Variants in NFXL1 observed in about 807,000 individuals in gnomAD.
NFXL1 encodes the protein NF-X1-type zinc finger protein NFXL1.
NFXL1 carries 66 observed loss-of-function variants against 123.3 expected under a neutral mutation model. That is an observed-to-expected ratio of 0.54 (90% confidence interval 0.44 to 0.66). The LOEUF is 0.66. Ranked by LOEUF, NFXL1 falls within the 30% of genes least tolerant of loss-of-function variation. NFXL1 has a pLI of 0.00. For synonymous variants in NFXL1, 346 were observed against 360.8 expected (o/e 0.96, Z 0.46); for missense variants, 944 against 1,125.6 (o/e 0.84, Z 2.31).
At chr4:47,856,549 A>C (rs569492824) in intron 19 of NFXL1, among the ~76,000 whole-genome samples, 1 of 152,280 alleles carries the variant, frequency 6.6e-6, no homozygotes, top group East Asian at 1.9e-4. Flanking sequence ...ACTGATCTCT[A>C]TGATTCACCA....
In NFXL1 at chr4:47,875,494, T is replaced by C. The variant is rs537167359; in HGVS notation, c.2080-201A>G. Among the ~76,000 whole-genome samples, 4 of 152,330 alleles carry C rather than the reference T, an allele frequency of 2.6e-5. No individual in the cohort carries two copies. The East Asian group carries it at 7.7e-4, about 29-fold the overall frequency. On this transcript the variant is annotated intron_variant, in intron 17 of 22. Coordinates refer to ENST00000507489, the MANE Select transcript of NFXL1 (RefSeq NM_001278624.2). ...AACAGCAAGATTGTCAATATGACTATTATTCATATAGATTTTTTTGCCTAT... is the reference window on the plus strand; with the variant it reads ...AACAGCAAGATTGTCAATATGACTACTATTCATATAGATTTTTTTGCCTAT...
At chr4:47,899,580 C>T in intron 5 of NFXL1, 32 bp from the exon 6 acceptor site, 1 of 1,435,046 alleles carries the variant, frequency 7.0e-7, no homozygotes, top group Non-Finnish European at 9.8e-7. Context: ...TTAAAGCTAA[C>T]TTCACCTTTA....
intron 15 of NFXL1, among the ~76,000 whole-genome samples, chr4:47,883,755 T>C (rs1160491582): frequency 3.9e-5 from 6 of 152,222 alleles, no homozygotes; most frequent in African/African-American, 9.6e-5. Flanking sequence ...ACCTCAGTTG[T>C]AGACAACAGC....
chr4:47,868,878 T>C (rs1444918655), intron 18 of NFXL1, among the ~76,000 whole-genome samples: 1 of 152,196 alleles, frequency 6.6e-6, no homozygotes, highest in African/African-American at 2.4e-5. Context: ...ATATAACAGC[T>C]TAATCATCTT....
At chr4:47,861,329 C>T (rs1734755653) in intron 19 of NFXL1, among the ~76,000 whole-genome samples, 3 of 152,130 alleles carry the variant, frequency 2.0e-5, no homozygotes, top group Admixed American at 2.0e-4. Flanking sequence ...CTATAACGGC[C>T]ATTTGAATTG....
In NFXL1 at chr4:47,914,473, CAGAA is replaced by C. The variant is rs1288990266; in HGVS notation, c.-115_-112del. 1.5e-5 allele frequency: 6 copies of C among 391,428 alleles called. No homozygotes were observed. Among genetic ancestry groups the C allele is most frequent in the African/African-American group, 6.2e-5 (3 of 48,726 alleles). 24.2% of individuals were successfully genotyped at this position (391,428 alleles called of 1,614,324 possible). The stretch of plus-strand genomic sequence containing the variant: ...AGCAAGAAGCACACAGTGCCGAAGA[CAGAA>C]AGCCGGAGGAGAAGTCGAAACCGCC... On this transcript the variant is annotated 5_prime_UTR_variant, in exon 1 of 23. Coordinates refer to ENST00000507489, the MANE Select transcript of NFXL1 (RefSeq NM_001278624.2).
At position 47,875,053 on chromosome 4, in the gene NFXL1, AG is replaced by A. The variant is rs1263523941; in HGVS notation, c.2246+73del. On this transcript the variant is annotated intron_variant, in intron 18 of 22. Transcript: ENST00000507489. ...AGAGTTTAAGCAAAGTACACTATAA[AG>A]GGTTCTTAATTATAAAAAGATACCA... 61 of 1,015,594 alleles carry A rather than the reference AG, an allele frequency of 6.0e-5. No homozygotes were observed. In the Middle Eastern group the frequency reaches 1.2e-3, roughly 19 times the overall value. 62.9% of individuals were successfully genotyped at this position (1,015,594 alleles called of 1,614,324 possible).
At chr4:47,890,514 T>C in intron 12 of NFXL1, 99 bp downstream of exon 12, 3 of 681,888 alleles carry the variant, frequency 4.4e-6, no homozygotes, top group Non-Finnish European at 7.7e-6. Flanking sequence ...ATAATGACTA[T>C]AAAACGCTAT....
chr4:47,876,212 G>A (rs1250981503), intron 17 of NFXL1, among the ~76,000 whole-genome samples: 1 of 152,054 alleles, frequency 6.6e-6, no homozygotes, highest in Non-Finnish European at 1.5e-5. Flanking sequence ...TCTTGGCACT[G>A]GGAAGACATG....
chr4:47,885,941 C>T lies in NFXL1; in HGVS notation c.1602G>A (p.Lys534=), dbSNP rs199961638. 4.3e-6 allele frequency: 7 copies of T among 1,613,674 alleles called. No individual in the cohort carries two copies. The African/African-American group carries it at 5.3e-5, about 12-fold the overall frequency. Residue 534 remains lysine, a synonymous_variant, in exon 13 of 23, where the codon AAG becomes AAA. Transcript: ENST00000507489. ...GTTCTCGGCCACAGGGCACTGTCAC[C>T]TTTGTATTGCCACAATTACACTTCA... The part of the protein sequence containing the change: ...VDVKCNCGNT[K]VTVPCGRERT...
At chr4:47,912,824 T>A (rs1737904038) in intron 2 of NFXL1, among the ~76,000 whole-genome samples, 1 of 141,380 alleles carries the variant, frequency 7.1e-6, no homozygotes, top group Non-Finnish European at 1.5e-5. Context: ...AAACCCCGTC[T>A]CTACTAAAAA....
At position 47,850,962 on chromosome 4, in the gene NFXL1, G is replaced by A. The variant is rs555102965; in HGVS notation, c.2562+133C>T. On this transcript the variant is annotated intron_variant, in intron 22 of 22. Transcript: ENST00000507489. ...TCAAGTTAGTAGATGGCTCATTTTT[G>A]TTTTACAAGAACTGTTATTTTCAGT... 5.6e-4 allele frequency: 350 copies of A among 630,080 alleles called. 6 individuals are homozygous for A. The South Asian group carries it at 7.5e-3, about 14-fold the overall frequency. The allele number at this position is 630,080 out of a possible 1,614,324, so 39.0% of individuals were successfully genotyped here. A position where few individuals can be genotyped will look rare whatever the true frequency, so the allele number is the denominator to read the frequency against.
chr4:47,864,768 C>A (rs1262947708), intron 18 of NFXL1, among the ~76,000 whole-genome samples: 1 of 152,142 alleles, frequency 6.6e-6, no homozygotes, highest in Non-Finnish European at 1.5e-5. Context: ...ATCACCATAC[C>A]CCTTCTTTCA....
At chr4:47,888,071 C>T (rs768335256) in intron 12 of NFXL1, among the ~76,000 whole-genome samples, 1 of 152,052 alleles carries the variant, frequency 6.6e-6, no homozygotes, top group Non-Finnish European at 1.5e-5. Flanking sequence ...GTCAGGAGAT[C>T]GAGACCATCC....
At chr4:47,891,464 A>G (rs531980555) in intron 11 of NFXL1, among the ~76,000 whole-genome samples, 9 of 152,312 alleles carry the variant, frequency 5.9e-5, no homozygotes, top group Non-Finnish European at 1.2e-4. Context: ...GAAGAGAAGC[A>G]GAGATAGGCT....
chr4:47,875,459 C>A, intron 17 of NFXL1, 166 bp from the exon 18 acceptor site: 1 of 458,642 alleles, frequency 2.2e-6, no homozygotes, highest in Admixed American at 4.0e-5. Context: ...TAAAAATATT[C>A]AAACTAAAGA....
intron 3 of NFXL1, among the ~76,000 whole-genome samples, chr4:47,908,772 A>G (rs1273733357): frequency 2.0e-5 from 3 of 151,968 alleles, no homozygotes; most frequent in East Asian, 3.9e-4. Context: ...TGGCTAACAC[A>G]GTAAAACCCC....
intron 4 of NFXL1, among the ~76,000 whole-genome samples, chr4:47,903,873 A>G (rs1737451494): frequency 6.6e-6 from 1 of 152,226 alleles, no homozygotes; most frequent in Non-Finnish European, 1.5e-5. Context: ...AGGTAATCAA[A>G]AAACAAGAAT....
chr4:47,901,331 C>T (rs1393284164), intron 5 of NFXL1, among the ~76,000 whole-genome samples: 3 of 152,008 alleles, frequency 2.0e-5, no homozygotes, highest in Admixed American at 6.6e-5. Context: ...ATATGGAATG[C>T]AAAGTATATG....
Sources: allele counts gnomAD v4.1 joint callset (sites outside exome capture counted in the v4.1 genomes callset), GRCh38; gene constraint gnomAD v4.1.1; transcripts MANE v1.5; gene names NCBI Gene and HGNC (gene_info 2026-07-23, HGNC 2026-07-21).